Variants in C1orf21 observed in about 807,000 individuals in gnomAD.
The protein encoded by C1orf21 is chromosome 1 open reading frame 21.
In C1orf21, 3 loss-of-function variants were observed where a neutral mutation model predicts 18.7. The ratio of observed to expected loss-of-function variants is 0.16; its 90% CI spans 0.07 to 0.42. C1orf21 has a LOEUF of 0.42. C1orf21 is among the 10% of genes least tolerant of loss of function. The pLI, the probability that C1orf21 is intolerant of heterozygous loss-of-function variation, is 0.99. For missense variants in C1orf21, 104 were observed against 143.6 expected (o/e 0.72, Z 1.41); for synonymous variants, 41 against 46.4 (o/e 0.88, Z 0.47).
intron 2 of C1orf21, among the ~76,000 whole-genome samples, chr1:184,502,654 A>G (rs1657994262): frequency 6.6e-6 from 1 of 152,182 alleles, no homozygotes; most frequent in African/African-American, 2.4e-5. Context: ...ATATTTACAA[A>G]TATGTACAGT....
intron 1 of C1orf21, among the ~76,000 whole-genome samples, chr1:184,473,376 C>T (rs537814940): frequency 3.3e-5 from 5 of 152,202 alleles, no homozygotes; most frequent in Non-Finnish European, 5.9e-5. Context: ...ACTTACCTCT[C>T]TCTAAGCGCT....
At chr1:184,568,290 T>C in intron 3 of C1orf21, 1 of 337,186 alleles carries the variant, frequency 3.0e-6, no homozygotes, top group Non-Finnish European at 5.9e-6. Context: ...TACATTCACA[T>C]TATTGTGCAA....
intron 1 of C1orf21, among the ~76,000 whole-genome samples, chr1:184,406,618 A>G (rs1186422730): frequency 6.6e-6 from 1 of 152,150 alleles, no homozygotes; most frequent in Non-Finnish European, 1.5e-5. Flanking sequence ...TTGCTCCTTT[A>G]AAGGGCTATT....
chr1:184,501,093 C>T (rs1657969223), intron 2 of C1orf21, among the ~76,000 whole-genome samples: 1 of 152,192 alleles, frequency 6.6e-6, no homozygotes, highest in Admixed American at 6.5e-5. Flanking sequence ...TTAGGAGTCT[C>T]CCCAGAGGAG....
At chr1:184,528,762 T>C (rs1453937943) in intron 3 of C1orf21, among the ~76,000 whole-genome samples, 1 of 152,214 alleles carries the variant, frequency 6.6e-6, no homozygotes, top group Non-Finnish European at 1.5e-5. Flanking sequence ...TAAATTTTAA[T>C]GGATGTGTAA....
At chr1:184,530,593 CTTTT>C (rs1658445747) in intron 3 of C1orf21, among the ~76,000 whole-genome samples, 1 of 126,840 alleles carries the variant, frequency 7.9e-6, no homozygotes, top group African/African-American at 2.9e-5. Context: ...TCTCTTTTTT[CTTTT>C]TTCTTTTTTT....
intron 1 of C1orf21, among the ~76,000 whole-genome samples, chr1:184,393,948 A>C (rs761623989): frequency 1.3e-5 from 2 of 152,168 alleles, no homozygotes; most frequent in Non-Finnish European, 2.9e-5. Context: ...TTATAAATTC[A>C]TGGGACACAT....
At chr1:184,567,192 TA>T in intron 3 of C1orf21, 1 of 473,998 alleles carries the variant, frequency 2.1e-6, no homozygotes, top group Non-Finnish European at 4.3e-6. Flanking sequence ...ACCAATAGCC[TA>T]AGGCACACAA....
chr1:184,524,912 T>A (rs1658356537), intron 3 of C1orf21, among the ~76,000 whole-genome samples: 1 of 152,112 alleles, frequency 6.6e-6, no homozygotes, highest in Admixed American at 6.6e-5. Context: ...TTGGTTTTAT[T>A]ATAGAAAATA....
chr1:184,599,765 G>A lies in C1orf21; in HGVS notation c.327+1304G>A, dbSNP rs1239524245. 2.6e-5 allele frequency among the ~76,000 whole-genome samples: 4 copies of A among 152,160 alleles called. No homozygotes were observed. In the South Asian group the frequency reaches 6.2e-4, roughly 24 times the overall value. Reference sequence around the variant, plus strand: ...AAGAGAAGCATAAAAAGAAATACAGGTTAAGTATCCCTAAATCGAAATCCA... The same window carrying A: ...AAGAGAAGCATAAAAAGAAATACAGATTAAGTATCCCTAAATCGAAATCCA... On this transcript the variant is annotated intron_variant, in intron 5 of 5. Transcript: ENST00000235307.
intron 2 of C1orf21, among the ~76,000 whole-genome samples, chr1:184,504,172 C>A (rs937160311): frequency 1.3e-5 from 2 of 152,152 alleles, no homozygotes; most frequent in African/African-American, 4.8e-5. Flanking sequence ...CAACTGTTTA[C>A]ATGCAGAGAA....
intron 1 of C1orf21, among the ~76,000 whole-genome samples, chr1:184,472,720 A>G (rs896902616): frequency 2.6e-5 from 4 of 152,186 alleles, no homozygotes; most frequent in African/African-American, 9.6e-5. Flanking sequence ...GAATTATTAT[A>G]ATCTTTCCTT....
chr1:184,405,907 T>C (rs1656240780), intron 1 of C1orf21, among the ~76,000 whole-genome samples: 2 of 152,218 alleles, frequency 1.3e-5, no homozygotes, highest in Non-Finnish European at 2.9e-5. Context: ...CCCTATCTTA[T>C]CTTCTGATCT....
intron 3 of C1orf21, among the ~76,000 whole-genome samples, chr1:184,550,856 A>G (rs984393131): frequency 5.3e-5 from 8 of 152,128 alleles, no homozygotes; most frequent in African/African-American, 4.8e-5. Context: ...TTTTGTAAAG[A>G]TGGATTTCCT....
At chr1:184,432,745 T>C (rs1656785735) in intron 1 of C1orf21, among the ~76,000 whole-genome samples, 1 of 152,184 alleles carries the variant, frequency 6.6e-6, no homozygotes, top group South Asian at 2.1e-4. Context: ...TTGCAAAATT[T>C]ATAGGCTTTT....
chr1:184,577,947 G>GTTTTGTTTTTT (rs1571285782), intron 3 of C1orf21, among the ~76,000 whole-genome samples: 31 of 86,694 alleles, frequency 3.6e-4, no homozygotes, highest in Middle Eastern at 5.6e-3. Context: ...TTTTTGTTTT[G>GTTTTGTTTTTT]TTTTTGTTTT....
chr1:184,590,714 A>G (rs773751031), intron 3 of C1orf21, 25 bp from the exon 4 acceptor site: 7 of 1,585,218 alleles, frequency 4.4e-6, no homozygotes, highest in Non-Finnish European at 6.1e-6. Flanking sequence ...CCTGTCTTTC[A>G]CATGTCTGTG....
At chr1:184,592,806 T>G (rs556800092) in intron 4 of C1orf21, among the ~76,000 whole-genome samples, 19 of 152,306 alleles carry the variant, frequency 1.2e-4, no homozygotes, top group Admixed American at 7.8e-4. Flanking sequence ...CTATGGCCAC[T>G]GTGGTGTCGC....
At chr1:184,422,980 G>A (rs1286151482) in intron 1 of C1orf21, among the ~76,000 whole-genome samples, 4 of 152,164 alleles carry the variant, frequency 2.6e-5, no homozygotes, top group Non-Finnish European at 5.9e-5. Context: ...GTACTACTAG[G>A]TTTTAATCCA....
Sources: gnomAD v4.1 joint callset for allele counts (sites outside exome capture counted in the v4.1 genomes callset) on GRCh38, gnomAD v4.1.1 for gene constraint, MANE v1.5 for transcripts, NCBI Gene and HGNC (gene_info 2026-07-23, HGNC 2026-07-21) for gene names.